IL1RAP: variants seen among roughly 807,000 people sequenced by gnomAD.
IL1RAP encodes interleukin 1 receptor accessory protein.
Under a neutral mutation model 60.7 loss-of-function variants are expected in IL1RAP, and 35 were observed. The ratio of observed to expected loss-of-function variants is 0.58; its 90% CI spans 0.44 to 0.76. The LOEUF (loss-of-function observed/expected upper bound fraction) is 0.76, where lower values mean the gene tolerates loss of function less well. IL1RAP is among the 30% of genes least tolerant of loss of function. The probability of loss-of-function intolerance (pLI) is 0.00; values close to 1 mark genes in which losing one functional copy is unlikely to be tolerated. For synonymous variants in IL1RAP, 268 were observed against 250.9 expected, an observed-to-expected ratio of 1.07 and a Z score of -0.64; for missense variants, 572 against 693.9, an observed-to-expected ratio of 0.82 and a Z score of 1.97.
chr3:190,575,588 G>A (rs2108659771), intron 3 of IL1RAP, among the ~76,000 whole-genome samples: 1 of 152,306 alleles, frequency 6.6e-6, no homozygotes, highest in Middle Eastern at 3.4e-3. Flanking sequence ...TGTAGGCCTT[G>A]GGTTGCAGGA....
In IL1RAP at chr3:190,644,540, G is replaced by T. The variant is rs534783114; in HGVS notation, c.1201+143G>T. 472 of 655,878 alleles carry T rather than the reference G, an allele frequency of 7.2e-4. 5 individuals are homozygous for T. In the South Asian group the frequency reaches 8.5e-3, roughly 12 times the overall value. 40.6% of individuals were successfully genotyped at this position (655,878 alleles called of 1,614,324 possible). A position where few individuals can be genotyped will look rare whatever the true frequency, so the allele number is the denominator to read the frequency against. ...AAGCAGATTAACTTTAATTTCAACC[G>T]TTGCTATTAGAAATCTTTCCGAAGA... On this transcript the variant is annotated intron_variant, in intron 10 of 11. Coordinates refer to ENST00000447382, the MANE Select transcript of IL1RAP (RefSeq NM_002182.4).
intron 3 of IL1RAP, among the ~76,000 whole-genome samples, chr3:190,568,642 C>T (rs1726633728): frequency 6.6e-6 from 1 of 152,164 alleles, no homozygotes; most frequent in Admixed American, 6.5e-5. Context: ...GTCATTTCAT[C>T]ACTTTTTGTC....
At chr3:190,639,285 G>A (rs530064804) in intron 9 of IL1RAP, among the ~76,000 whole-genome samples, 1 of 152,224 alleles carries the variant, frequency 6.6e-6, no homozygotes, top group East Asian at 1.9e-4. Context: ...TATCCAATTA[G>A]TAGTGCCCCA....
chr3:190,621,119 T>G (rs1354526882), intron 6 of IL1RAP, among the ~76,000 whole-genome samples: 1 of 152,184 alleles, frequency 6.6e-6, no homozygotes, highest in Non-Finnish European at 1.5e-5. Context: ...TACCACTGTG[T>G]CCAGTGTATT....
chr3:190,537,626 A>C (rs3821742), intron 1 of IL1RAP, among the ~76,000 whole-genome samples: 15,158 of 152,194 alleles, frequency 0.1, 1,073 homozygotes, highest in East Asian at 0.36. Context: ...TATAATTTAC[A>C]GAAAGGCAAT....
downstream of IL1RAP, chr3:190,656,311 G>T: frequency 6.5e-7 from 1 of 1,537,242 alleles, no homozygotes; most frequent in Non-Finnish European, 8.7e-7. Context: ...AGAGAGGGCT[G>T]CAGGTAGCCC....
intron 1 of IL1RAP, among the ~76,000 whole-genome samples, chr3:190,552,261 A>C (rs1724930103): frequency 6.6e-6 from 1 of 152,234 alleles, no homozygotes; most frequent in Non-Finnish European, 1.5e-5. Context: ...GCCCTTTACA[A>C]ATTTTGCTAA....
chr3:190,615,418 C>A, intron 5 of IL1RAP: 1 of 611,302 alleles, frequency 1.6e-6, no homozygotes, highest in Non-Finnish European at 2.7e-6. Context: ...CTTTGGCAGG[C>A]CATCCTAACT....
At chr3:190,632,623 T>C (rs181363465) in intron 9 of IL1RAP, among the ~76,000 whole-genome samples, 1 of 152,362 alleles carries the variant, frequency 6.6e-6, no homozygotes, top group Non-Finnish European at 1.5e-5. Flanking sequence ...ATTTATTCTA[T>C]GCTTAGTGGT....
rs1009178661 is a variant in IL1RAP, at chr3:190,648,764, C to G, written c.*59C>G. The stretch of plus-strand genomic sequence containing the variant: ...GTGCTCCAGGAAGAAAGAGTCCCCC[C>G]AGTCTTCATTCGCAGTTTATGGTTT... On this transcript the variant is annotated 3_prime_UTR_variant, in exon 12 of 12. Transcript: ENST00000447382. 3 of 1,535,672 alleles carry G rather than the reference C, an allele frequency of 2.0e-6. No homozygotes were observed. The highest frequency in any genetic ancestry group is 2.1e-5 in the Admixed American group (1 of 46,668).
intron 3 of IL1RAP, among the ~76,000 whole-genome samples, chr3:190,572,887 G>A (rs1272895031): frequency 1.8e-4 from 1 of 5,710 alleles, no homozygotes; most frequent in South Asian, 6.5e-3. Flanking sequence ...TTTTTGAGAC[G>A]GAGTCTCGCT....
intron 1 of IL1RAP, among the ~76,000 whole-genome samples, chr3:190,555,014 C>T (rs964411535): frequency 1.3e-5 from 2 of 152,118 alleles, no homozygotes; most frequent in South Asian, 2.1e-4. Context: ...ATGCCTTTCT[C>T]TCGAGAGTCT....
At chr3:190,622,807 G>A (rs760092702) in intron 6 of IL1RAP, among the ~76,000 whole-genome samples, 4 of 152,064 alleles carry the variant, frequency 2.6e-5, no homozygotes, top group Admixed American at 6.6e-5. Context: ...TGGAGGTTCC[G>A]TCACACAGGC....
At chr3:190,585,811 C>A (rs1483389157) in intron 3 of IL1RAP, among the ~76,000 whole-genome samples, 2 of 150,598 alleles carry the variant, frequency 1.3e-5, no homozygotes, top group African/African-American at 4.9e-5. Context: ...GACTCCAACT[C>A]CAAAAAAAAA....
intron 1 of IL1RAP, chr3:190,555,916 A>T (rs1725375552): frequency 7.3e-6 from 1 of 136,536 alleles, no homozygotes; most frequent in Admixed American, 7.6e-5. Flanking sequence ...ATATAGATAG[A>T]TAGAGATCTG....
chr3:190,634,822 TCTC>T (rs1281175729), intron 9 of IL1RAP, among the ~76,000 whole-genome samples: 1 of 151,400 alleles, frequency 6.6e-6, no homozygotes, highest in African/African-American at 2.4e-5. Context: ...TTCACGCCAT[TCTC>T]CTGCCTCAGC....
At chr3:190,549,694 G>C (rs972821284) in intron 1 of IL1RAP, among the ~76,000 whole-genome samples, 6 of 151,344 alleles carry the variant, frequency 4.0e-5, no homozygotes, top group Non-Finnish European at 7.4e-5. Flanking sequence ...TCAGGCTTCT[G>C]GGTTGCCTTC....
intron 9 of IL1RAP, among the ~76,000 whole-genome samples, chr3:190,640,784 G>C (rs1485962751): frequency 6.6e-6 from 1 of 152,150 alleles, no homozygotes; most frequent in Non-Finnish European, 1.5e-5. Flanking sequence ...TTTGAAGCCA[G>C]TTATTTACAT....
At chr3:190,624,711 C>G (rs922378204) in intron 7 of IL1RAP, 1 of 211,004 alleles carries the variant, frequency 4.7e-6, no homozygotes, top group African/African-American at 2.3e-5. Context: ...CTTGACACAC[C>G]TCTTGTTTCA....
Sources: gnomAD v4.1 joint callset for allele counts (sites outside exome capture counted in the v4.1 genomes callset) on GRCh38, gnomAD v4.1.1 for gene constraint, MANE v1.5 for transcripts, NCBI Gene and HGNC (gene_info 2026-07-23, HGNC 2026-07-21) for gene names.